Variants in EP400 observed in about 807,000 individuals in gnomAD.
The protein encoded by EP400 is E1A-binding protein p400.
Under a neutral mutation model 354.1 loss-of-function variants are expected in EP400, and 105 were observed. That is an observed-to-expected ratio of 0.30 (90% CI 0.25 to 0.35). The LOEUF (loss-of-function observed/expected upper bound fraction) is 0.35. Ranked by LOEUF, EP400 falls within the 10% of genes least tolerant of loss-of-function variation. The pLI is 1.00. For synonymous variants in EP400, 1,646 were observed against 1,716.9 expected (o/e 0.96, Z 1.02); for missense variants, 3,280 against 4,121.0 (o/e 0.80, Z 5.59).
intron 2 of EP400, among the ~76,000 whole-genome samples, chr12:131,972,809 A>G (rs571896969): frequency 1.4e-5 from 2 of 138,408 alleles, no homozygotes; most frequent in African/African-American, 5.5e-5. Flanking sequence ...TCGACTCACT[A>G]CAGCCTCTGC....
In EP400 at chr12:132,013,765, T is replaced by C. The variant is rs781213651; in HGVS notation, c.3787-12T>C. On this transcript the variant is annotated splice_polypyrimidine_tract_variant and intron_variant, in intron 18 of 52. Transcript: ENST00000389561. This position sits in a 1 kb window ranked among gnomAD's most constrained non-coding sequence, Gnocchi z 4.5. The stretch of plus-strand genomic sequence containing the variant: ...TTTTGGAAAGAAAACAGTAAACAGT[T>C]TTTATTTTCAGGTGACACAGCCATT... 6.2e-7 allele frequency: 1 copy of C among 1,612,878 alleles called. No homozygotes were observed. The highest frequency in any genetic ancestry group is 1.7e-5 in the Admixed American group (1 of 59,724).
chr12:132,018,406 G>C lies in EP400; in HGVS notation c.4277+30G>C, dbSNP rs1894016471. ...GTGCGACCCAGAGGCAGCGGGGAGGGTTGGCTCCCAGGGCCCCCACAGCTG... is the reference window on the plus strand; with the variant it reads ...GTGCGACCCAGAGGCAGCGGGGAGGCTTGGCTCCCAGGGCCCCCACAGCTG... On this transcript the variant is annotated intron_variant, in intron 21 of 52. Coordinates refer to ENST00000389561, the MANE Select transcript of EP400 (RefSeq NM_015409.5). The surrounding 1 kb of genome is among the most constrained non-coding windows in gnomAD (Gnocchi z 4.0). 6.4e-7 allele frequency: 1 copy of C among 1,570,652 alleles called. No individual in the cohort carries two copies. Among genetic ancestry groups the C allele is most frequent in the African/African-American group, 1.4e-5 (1 of 72,484 alleles).
chr12:132,041,153 G>A (rs1290065026), intron 32 of EP400, among the ~76,000 whole-genome samples: 1 of 152,238 alleles, frequency 6.6e-6, no homozygotes, highest in Non-Finnish European at 1.5e-5. Context: ...ATCCACGTTA[G>A]CGTGCTGTAC....
At chr12:131,987,109 G>A (rs1396803273) in intron 6 of EP400, among the ~76,000 whole-genome samples, 1 of 152,154 alleles carries the variant, frequency 6.6e-6, no homozygotes, top group Non-Finnish European at 1.5e-5. Context: ...GAGCGCTGGG[G>A]CCCTGCAGGC....
rs376865111 is a variant in EP400 at position 132,013,192 on chromosome 12, G to T, written c.3611+14G>T. 2 of 1,597,542 alleles carry T rather than the reference G, an allele frequency of 1.3e-6. No individual in the cohort carries two copies. Among genetic ancestry groups the T allele is most frequent in the Non-Finnish European group, 1.7e-6 (2 of 1,168,914 alleles). On this transcript the variant is annotated intron_variant, in intron 17 of 52. Transcript: ENST00000389561. This position sits in a 1 kb window ranked among gnomAD's most constrained non-coding sequence, Gnocchi z 4.5. ...CACCCTGCAGAGGTCTGTGTGTTACGCGCTTGTCATTGAGTGTTCTTTGCT... is the reference window on the plus strand; with the variant it reads ...CACCCTGCAGAGGTCTGTGTGTTACTCGCTTGTCATTGAGTGTTCTTTGCT...
intron 12 of EP400, among the ~76,000 whole-genome samples, 168 bp from the exon 13 acceptor site, chr12:132,004,909 A>G (rs912792538): frequency 2.6e-5 from 4 of 152,250 alleles, no homozygotes; most frequent in African/African-American, 2.4e-5. Context: ...GTGCTTTTAG[A>G]CAATATAATC....
intron 10 of EP400, among the ~76,000 whole-genome samples, chr12:131,991,685 A>G (rs558626960): frequency 2.0e-5 from 3 of 151,338 alleles, no homozygotes; most frequent in Non-Finnish European, 2.9e-5. Flanking sequence ...GGTTCAAGCA[A>G]TTCTCCTGCC....
Position 132,025,306 on chromosome 12 carries a change from C to T in EP400, c.4856-340C>T, listed in dbSNP as rs1479776478. Among the ~76,000 whole-genome samples, 2 of 152,162 alleles carry T rather than the reference C, an allele frequency of 1.3e-5. No homozygotes were observed. Among genetic ancestry groups the T allele is most frequent in the African/African-American group, 4.8e-5 (2 of 41,440 alleles). On this transcript the variant is annotated intron_variant, in intron 24 of 52. Coordinates refer to ENST00000389561, the MANE Select transcript of EP400 (RefSeq NM_015409.5). This position sits in a 1 kb window ranked among gnomAD's most constrained non-coding sequence, Gnocchi z 4.1. ...GGTTTTGTTCTATTTCTTCATTCTC[C>T]TTGACTGCTGTGATCTGGGAGTGGG...
At chr12:132,031,409 G>A (rs1209032238) in intron 29 of EP400, 2 of 518,556 alleles carry the variant, frequency 3.9e-6, no homozygotes, top group Non-Finnish European at 7.7e-6. Context: ...CATGGCTGAT[G>A]TTATTTAAAC....
At chr12:132,076,618 A>G in intron 52 of EP400, 25 bp downstream of exon 52, 1 of 1,587,398 alleles carries the variant, frequency 6.3e-7, no homozygotes, top group South Asian at 1.1e-5. Context: ...CAAAGTGGAA[A>G]CCTCACATTT....
Position 131,994,834 on chromosome 12 carries a change from CCT to C in EP400, c.2738-29_2738-28del, listed in dbSNP as rs770778106. Reference sequence around the variant, plus strand: ...AGTAACAGACACTCAAGTGGTGTTGCCTCTCAGTGACACTTGCTGATAACCAT... The same window carrying C: ...AGTAACAGACACTCAAGTGGTGTTGCCTCAGTGACACTTGCTGATAACCAT... On this transcript the variant is annotated intron_variant, in intron 11 of 52. Coordinates refer to ENST00000389561, the MANE Select transcript of EP400 (RefSeq NM_015409.5). The surrounding 1 kb of genome is among the most constrained non-coding windows in gnomAD (Gnocchi z 4.6). 4.4e-6 allele frequency: 7 copies of C among 1,588,500 alleles called. No individual in the cohort carries two copies. In the African/African-American group the frequency reaches 9.4e-5, roughly 21 times the overall value.
chr12:132,035,901 C>A (rs898631163), intron 30 of EP400, among the ~76,000 whole-genome samples: 1 of 144,824 alleles, frequency 6.9e-6, no homozygotes, highest in Non-Finnish European at 1.5e-5. Context: ...CGTGGAAGGG[C>A]ACACCCAGGT....
Position 131,990,021 on chromosome 12 carries a change from A to G in EP400, c.2467A>G (p.Lys823Glu), listed in dbSNP as rs556256851. Residue 823 changes from lysine (K) to glutamate (E), a missense_variant, in exon 8 of 53, where the codon AAG (lysine) becomes GAG (glutamate). By Grantham distance (56) the Lys-to-Glu change is moderately conservative (BLOSUM62 1). Coordinates refer to ENST00000389561, the MANE Select transcript of EP400 (RefSeq NM_015409.5). The surrounding 1 kb of genome is among the most constrained non-coding windows in gnomAD (Gnocchi z 4.2). Reference protein sequence around the residue: ...EEKQLREERGKKEEQSRLRRI... With the variant: ...EEKQLREERGEKEEQSRLRRI... ...GAAGCAGCTCCGTGAAGAAAGGGGG[A>G]AGAAGGAAGAGCAGAGCAGACTGAG... is the stretch of plus-strand genomic sequence containing the variant. 4.3e-6 allele frequency: 7 copies of G among 1,613,324 alleles called. No individual in the cohort carries two copies. The highest frequency in any genetic ancestry group is 5.9e-6 in the Non-Finnish European group (7 of 1,179,862).
chr12:132,006,819 T>G lies in EP400; in HGVS notation c.3246T>G (p.Ala1082=), dbSNP rs1196956198. 2 of 1,614,088 alleles carry G rather than the reference T, an allele frequency of 1.2e-6. No individual in the cohort carries two copies. Among genetic ancestry groups the G allele is most frequent in the Non-Finnish European group, 1.7e-6 (2 of 1,180,044 alleles). Residue 1082 remains alanine, a synonymous_variant, in exon 15 of 53, where the codon GCT becomes GCG. Coordinates refer to ENST00000389561, the MANE Select transcript of EP400 (RefSeq NM_015409.5). ...TCAATGGCATATTGGCAGATGAAGC[T>G]GGGCTGGGTAAAACAGTGCAGATCA... is the stretch of plus-strand genomic sequence containing the variant. ...KNLNGILADE[A]GLGKTVQIIA...
chr12:132,045,237 C>T, intron 37 of EP400, 82 bp from the exon 38 acceptor site: 1 of 1,567,442 alleles, frequency 6.4e-7, no homozygotes, highest in Non-Finnish European at 8.6e-7. Context: ...CCAGACTTGC[C>T]TGACCTGTTT....
intron 1 of EP400, among the ~76,000 whole-genome samples, chr12:131,956,895 G>C (rs1384205291): frequency 4.5e-5 from 2 of 44,924 alleles, no homozygotes; most frequent in African/African-American, 1.4e-4. Flanking sequence ...TTTTTTTTTA[G>C]GAGTCTCACT....
intron 22 of EP400, 58 bp downstream of exon 22, chr12:132,020,276 C>G: frequency 6.6e-7 from 1 of 1,503,854 alleles, no homozygotes; most frequent in Non-Finnish European, 8.9e-7. Context: ...GGGACAAGTT[C>G]ATGGCACTTT....
chr12:132,043,576 A>G lies in EP400; in HGVS notation c.6367-69A>G, dbSNP rs902693959. ...TTTTGATTCAAATGTTGGTTAGTGG[A>G]TTGTATAAGGAACTTGACTTTTATT... On this transcript the variant is annotated intron_variant, in intron 33 of 52. Transcript: ENST00000389561. The G allele has an allele frequency of 3.2e-6, 5 of 1,578,908 alleles. No homozygotes were observed. The African/African-American group carries it at 4.1e-5, about 13-fold the overall frequency.
chr12:132,046,691 G>A (rs769187175), intron 39 of EP400, among the ~76,000 whole-genome samples: 1 of 152,102 alleles, frequency 6.6e-6, no homozygotes, highest in Non-Finnish European at 1.5e-5. Flanking sequence ...GCCTTCCCTC[G>A]AGCTGAGTCA....
Sources: allele counts gnomAD v4.1 joint callset (sites outside exome capture counted in the v4.1 genomes callset), GRCh38; gene constraint gnomAD v4.1.1; non-coding constraint Gnocchi (gnomAD v3.1); transcripts MANE v1.5; gene names NCBI Gene and HGNC (gene_info 2026-07-23, HGNC 2026-07-21).